ATF7IP: variants seen among roughly 807,000 people sequenced by gnomAD.
ATF7IP encodes activating transcription factor 7 interacting protein, also known as activating transcription factor 7-interacting protein 1.
A neutral mutation model predicts 106.4 loss-of-function variants in ATF7IP; 23 were observed. That is an observed-to-expected ratio of 0.22 (90% CI 0.16 to 0.31). The LOEUF (loss-of-function observed/expected upper bound fraction) is 0.31, where lower values mean the gene tolerates loss of function less well. ATF7IP is among the 10% of genes least tolerant of loss of function. The pLI is 1.00. For synonymous variants in ATF7IP, 542 were observed against 539.0 expected (o/e 1.01, Z -0.08); for missense variants, 1,334 against 1,524.3 (o/e 0.88, Z 2.08).
Position 14,456,607 on chromosome 12 carries a change from T to G in ATF7IP, c.2042T>G (p.Val681Gly), listed in dbSNP as rs138421158. Residue 681 changes from valine (V) to glycine (G), a missense_variant, in exon 7 of 15, where the codon GTC (valine) becomes GGC (glycine). By Grantham distance (109) the Val-to-Gly change is moderately radical. Transcript: ENST00000261168. The part of the protein sequence containing the change: ...PVSPGKTVND[V>G]NSNNNMSYRN... ...TCACCAGGAAAAACTGTAAATGATG[T>G]CAACAGCAATAATAACATGTCTTAC... is the stretch of plus-strand genomic sequence containing the variant. 3 of 1,612,152 alleles carry G rather than the reference T, an allele frequency of 1.9e-6. No homozygotes were observed. In the Admixed American group the frequency reaches 5.0e-5, roughly 27 times the overall value.
Position 14,388,297 on chromosome 12 carries a change from G to A in ATF7IP, c.-8+22470G>A, listed in dbSNP as rs113832153. 5.2e-3 allele frequency among the ~76,000 whole-genome samples: 783 copies of A among 151,602 alleles called. 3 individuals are homozygous for A. The highest frequency in any genetic ancestry group is 0.015 in the East Asian group (76 of 5,118). On this transcript the variant is annotated intron_variant, in intron 1 of 14. Transcript: ENST00000261168. ...ACTCCTGACCTCAGGTGATCTGCCC[G>A]CCTTGGCCTCCCAAATTGCTGGGAT...
At chr12:14,439,238 T>A (rs950443762) in intron 5 of ATF7IP, among the ~76,000 whole-genome samples, 20 of 152,212 alleles carry the variant, frequency 1.3e-4, no homozygotes, top group African/African-American at 4.6e-4. Flanking sequence ...ATTTTATATA[T>A]GAGCATATCC....
chr12:14,441,720 A>C (rs754380922), intron 5 of ATF7IP, among the ~76,000 whole-genome samples: 1 of 151,942 alleles, frequency 6.6e-6, no homozygotes, highest in Non-Finnish European at 1.5e-5. Context: ...CCATTTCCTG[A>C]CCTCATGATC....
intron 13 of ATF7IP, among the ~76,000 whole-genome samples, chr12:14,495,060 A>G (rs1944971380): frequency 6.6e-6 from 1 of 152,122 alleles, no homozygotes; most frequent in Non-Finnish European, 1.5e-5. Flanking sequence ...AGCATCCAGC[A>G]CAGGAAAAAG....
chr12:14,401,714 C>CTTTTTTTTTTTTTT (rs3083699), intron 1 of ATF7IP, among the ~76,000 whole-genome samples: 1 of 76,880 alleles, frequency 1.3e-5, no homozygotes, highest in Non-Finnish European at 2.4e-5. Flanking sequence ...AGAGATTAAG[C>CTTTTTTTTTTTTTT]TTTTTTTTTT....
At chr12:14,401,440 G>A (rs978823862) in intron 1 of ATF7IP, among the ~76,000 whole-genome samples, 3 of 152,152 alleles carry the variant, frequency 2.0e-5, no homozygotes, top group Non-Finnish European at 4.4e-5. Flanking sequence ...CAGGTGATCC[G>A]CCTGCCTTGG....
chr12:14,492,357 G>A (rs1354140890), intron 13 of ATF7IP, among the ~76,000 whole-genome samples: 1 of 152,090 alleles, frequency 6.6e-6, no homozygotes, highest in Admixed American at 6.6e-5. Flanking sequence ...GCAATGCACA[G>A]TTACCCTGGT....
intron 6 of ATF7IP, among the ~76,000 whole-genome samples, chr12:14,451,346 A>G (rs1269403327): frequency 6.6e-6 from 1 of 151,232 alleles, no homozygotes; most frequent in East Asian, 1.9e-4. Context: ...CCAACTTTTA[A>G]GTTTTGTTTT....
chr12:14,452,850 T>G (rs1943260213), intron 6 of ATF7IP, among the ~76,000 whole-genome samples: 1 of 152,198 alleles, frequency 6.6e-6, no homozygotes, highest in African/African-American at 2.4e-5. Context: ...CTCTTTAGTT[T>G]CCACGTGAAG....
intron 1 of ATF7IP, among the ~76,000 whole-genome samples, chr12:14,406,871 C>T (rs955144750): frequency 5.3e-5 from 8 of 151,876 alleles, no homozygotes; most frequent in African/African-American, 1.4e-4. Flanking sequence ...GGATTACAGG[C>T]GTGAGCCACC....
At chr12:14,462,663 G>C (rs1042587358) in intron 9 of ATF7IP, among the ~76,000 whole-genome samples, 1 of 151,832 alleles carries the variant, frequency 6.6e-6, no homozygotes, top group Admixed American at 6.6e-5. Context: ...TTATAGAAAG[G>C]ATATATTCCC....
At chr12:14,403,838 G>A (rs1007920438) in intron 1 of ATF7IP, among the ~76,000 whole-genome samples, 2 of 151,920 alleles carry the variant, frequency 1.3e-5, no homozygotes, top group Non-Finnish European at 2.9e-5. Flanking sequence ...ATTTTCATGT[G>A]GCAGAGAGCC....
chr12:14,424,981 G>A lies in ATF7IP; in HGVS notation c.1066G>A (p.Asp356Asn). The change falls in exon 2 of 15, where the codon GAT becomes AAT. Residue 356 changes from aspartate to asparagine, a missense_variant. Physicochemically the swap from Asp to Asn is conservative, Grantham distance 23 (BLOSUM62 1). Transcript: ENST00000261168. ...DANEETLETD[D>N]TTICSDRPPE... ...TAATGAAGAAACTCTAGAAACAGAT[G>A]ATACAACTATTTGTTCAGATCGACC... 6.2e-7 allele frequency: 1 copy of A among 1,610,604 alleles called. No individual in the cohort carries two copies.
In ATF7IP at chr12:14,488,659, G is replaced by A. The variant is rs184242640; in HGVS notation, c.3280+7474G>A. ...TAGTATTAACCATCACAAGTCTACC[G>A]CTTGTCAACCTGAACCCATATACAT... On this transcript the variant is annotated intron_variant, in intron 13 of 14. Transcript: ENST00000261168. Among the ~76,000 whole-genome samples the A allele has an allele frequency of 4.8e-4, 73 of 152,200 alleles. No homozygotes were observed. In the East Asian group the frequency reaches 0.01, roughly 22 times the overall value.
chr12:14,460,791 G>A lies in ATF7IP; in HGVS notation c.2455G>A (p.Val819Met). 1.2e-6 allele frequency: 2 copies of A among 1,614,154 alleles called. No homozygotes were observed. The highest frequency in any genetic ancestry group is 2.2e-5 in the East Asian group (1 of 44,886). ...QPSGNVEFIS[V>M]QSPPTVSGLT... ...ATCTGGCAATGTTGAATTCATTTCTGTGCAAAGCCCACCTACAGTGAGTGG... is the reference window on the plus strand; with the variant it reads ...ATCTGGCAATGTTGAATTCATTTCTATGCAAAGCCCACCTACAGTGAGTGG... The change falls in exon 9 of 15, where the codon GTG becomes ATG. Residue 819 changes from valine (V) to methionine (M), a missense_variant. Physicochemically the swap from Val to Met is conservative, Grantham distance 21. Coordinates refer to ENST00000261168, the MANE Select transcript of ATF7IP (RefSeq NM_018179.5).
chr12:14,453,382 T>C (rs1943282301), intron 6 of ATF7IP, among the ~76,000 whole-genome samples: 1 of 152,206 alleles, frequency 6.6e-6, no homozygotes, highest in Non-Finnish European at 1.5e-5. Flanking sequence ...CATTCTCTTT[T>C]TGCTCCTCTG....
chr12:14,375,554 GA>G (rs1420023460), intron 1 of ATF7IP, among the ~76,000 whole-genome samples: 1 of 151,920 alleles, frequency 6.6e-6, no homozygotes, highest in Non-Finnish European at 1.5e-5. Flanking sequence ...AAAAAATGAA[GA>G]AAGAAAAGAA....
chr12:14,486,776 C>G (rs1029888007), intron 13 of ATF7IP, among the ~76,000 whole-genome samples: 4 of 152,142 alleles, frequency 2.6e-5, no homozygotes, highest in African/African-American at 9.7e-5. Context: ...CCCCTGCCAA[C>G]TTAGGATCCA....
intron 13 of ATF7IP, among the ~76,000 whole-genome samples, chr12:14,493,880 C>T (rs759673278): frequency 7.9e-5 from 12 of 152,084 alleles, no homozygotes; most frequent in Non-Finnish European, 1.5e-4. Flanking sequence ...TCTTCTGAGG[C>T]TGAGAGACAG....
Sources: allele counts gnomAD v4.1 joint callset (sites outside exome capture counted in the v4.1 genomes callset), GRCh38; gene constraint gnomAD v4.1.1; transcripts MANE v1.5; gene names NCBI Gene and HGNC (gene_info 2026-07-23, HGNC 2026-07-21).